The following ZNF280B variants were observed in gnomAD, a reference collection of about 807,000 sequenced individuals.
ZNF280B encodes suppressor of hairy wing homolog 2.
In ZNF280B, 16 loss-of-function variants were observed where a neutral mutation model predicts 38.0. That is an observed-to-expected ratio of 0.42 (90% CI 0.28 to 0.64). The LOEUF (loss-of-function observed/expected upper bound fraction) is 0.64. Ranked by LOEUF, ZNF280B falls within the 30% of genes least tolerant of loss-of-function variation. The probability of loss-of-function intolerance (pLI) is 0.21; values close to 1 mark genes in which losing one functional copy is unlikely to be tolerated. For missense variants in ZNF280B, 581 were observed against 639.6 expected, an observed-to-expected ratio of 0.91 and a Z score of 0.99; for synonymous variants, 253 against 230.6, an observed-to-expected ratio of 1.10 and a Z score of -0.88.
Position 22,488,280 on chromosome 22 carries a change from A to C in ZNF280B, c.1119T>G (p.Thr373=). 1 of 1,613,882 alleles carries C rather than the reference A, an allele frequency of 6.2e-7. No individual in the cohort carries two copies. Among genetic ancestry groups the C allele is most frequent in the South Asian group, 1.1e-5 (1 of 91,070 alleles). The part of the protein sequence containing the change: ...ENVHTAQEPS[T]VCKICELSFE... ...ATGACAATTCACAGATTTTACAGAC[A>C]GTAGAGGGCTCCTGGGCAGTGTGGA... Residue 373 remains threonine (T), a synonymous_variant, in exon 4 of 4, where the codon ACT becomes ACG. Transcript: ENST00000626650.
rs960955398 is a variant in ZNF280B, at chr22:22,497,386, C to T, written c.-186-3206G>A. Among the ~76,000 whole-genome samples the T allele has an allele frequency of 2.0e-5, 3 of 151,280 alleles. No individual in the cohort carries two copies. In the Admixed American group the frequency reaches 2.0e-4, roughly 10 times the overall value. On this transcript the variant is annotated intron_variant, in intron 2 of 3. Coordinates refer to ENST00000626650, the MANE Select transcript of ZNF280B (RefSeq NM_080764.4). ...TCTCTACTAAAAACACAAAAATTTG[C>T]CGGGAGTGGTGGTGGGCGCCTGTAA... is the stretch of plus-strand genomic sequence containing the variant.
intron 2 of ZNF280B, among the ~76,000 whole-genome samples, chr22:22,497,429 G>C (rs2061724101): frequency 6.6e-6 from 1 of 151,534 alleles, no homozygotes; most frequent in South Asian, 2.1e-4. Context: ...TACTTGGTAG[G>C]CTGAGGCAAG....
chr22:22,504,276 A>G (rs1000363589), intron 2 of ZNF280B, among the ~76,000 whole-genome samples: 1 of 151,936 alleles, frequency 6.6e-6, no homozygotes, highest in Non-Finnish European at 1.5e-5. Context: ...TACTAAAAAT[A>G]CAAAAACTTA....
At chr22:22,495,128 CCATA>C (rs1010930126) in intron 2 of ZNF280B, among the ~76,000 whole-genome samples, 3 of 151,910 alleles carry the variant, frequency 2.0e-5, no homozygotes, top group African/African-American at 4.8e-5. Flanking sequence ...TGAGATCTGG[CCATA>C]TATATTTTTC....
chr22:22,494,319 C>T (rs559617793), intron 2 of ZNF280B, 139 bp from the exon 3 acceptor site: 25 of 152,036 alleles, frequency 1.6e-4, no homozygotes, highest in African/African-American at 6.0e-4. Context: ...GTTGTCCATA[C>T]TGATTAACCC....
At chr22:22,489,559 C>T in intron 3 of ZNF280B, 93 bp from the exon 4 acceptor site, 3 of 617,506 alleles carry the variant, frequency 4.9e-6, no homozygotes, top group East Asian at 5.7e-5. Flanking sequence ...ACTATTTTAC[C>T]CACAAGGACA....
chr22:22,487,525 C>T lies in ZNF280B; in HGVS notation c.*242G>A. The T allele has an allele frequency of 2.8e-6, 1 of 355,616 alleles. No individual in the cohort carries two copies. The allele number at this position is 355,616 out of a possible 1,614,324, so 22.0% of individuals were successfully genotyped here. On this transcript the variant is annotated 3_prime_UTR_variant, in exon 4 of 4. Coordinates refer to ENST00000626650, the MANE Select transcript of ZNF280B (RefSeq NM_080764.4). ...TACCTTTTTCTCTCTCTCACACACA[C>T]ACACAAACACCTTTTATGTGTTAAG...
At chr22:22,503,677 G>A (rs969375701) in intron 2 of ZNF280B, among the ~76,000 whole-genome samples, 2 of 151,880 alleles carry the variant, frequency 1.3e-5, no homozygotes, top group African/African-American at 2.4e-5. Context: ...TAAATTATAC[G>A]TAGGATTACC....
intron 2 of ZNF280B, among the ~76,000 whole-genome samples, chr22:22,500,466 T>A (rs1016231636): frequency 2.6e-5 from 4 of 151,904 alleles, no homozygotes; most frequent in African/African-American, 9.7e-5. Flanking sequence ...GAGGATATTA[T>A]GCCAAATAAA....
chr22:22,499,158 A>T (rs2061764263), intron 2 of ZNF280B, among the ~76,000 whole-genome samples: 1 of 151,936 alleles, frequency 6.6e-6, no homozygotes, highest in Non-Finnish European at 1.5e-5. Flanking sequence ...ATCTAACAAC[A>T]TATATAACGA....
chr22:22,508,488 G>C (rs1481881390), intron 1 of ZNF280B, among the ~76,000 whole-genome samples, 171 bp downstream of exon 1: 1 of 151,782 alleles, frequency 6.6e-6, no homozygotes, highest in Non-Finnish European at 1.5e-5. Context: ...GGGGATCGTG[G>C]GACCTGCTTC....
rs1416108126 is a variant in ZNF280B at position 22,508,685 on chromosome 22, GCTGCCGGCCACGCA to G, written c.-288_-275del. 1 of 151,894 alleles carries G rather than the reference GCTGCCGGCCACGCA, an allele frequency of 6.6e-6. No individual in the cohort carries two copies. The allele number at this position is 151,894 out of a possible 1,614,324, so 9.4% of individuals were successfully genotyped here. ...AGTCCGGATCAGCTGCTGTTCGCGAGCTGCCGGCCACGCACCAGCCCCGGAGGCGCTCCCGGGGC... is the reference window on the plus strand; with the variant it reads ...AGTCCGGATCAGCTGCTGTTCGCGAGCCAGCCCCGGAGGCGCTCCCGGGGC... On this transcript the variant is annotated 5_prime_UTR_variant, in exon 1 of 4. Coordinates refer to ENST00000626650, the MANE Select transcript of ZNF280B (RefSeq NM_080764.4).
Position 22,497,208 on chromosome 22 carries a change from TAAAAAAAAAAAA to T in ZNF280B, c.-186-3040_-186-3029del, listed in dbSNP as rs71199486. Among the ~76,000 whole-genome samples the T allele has an allele frequency of 4.7e-3, 157 of 33,598 alleles. 1 individual carries two copies. Among genetic ancestry groups the T allele is most frequent in the African/African-American group, 6.1e-3 (64 of 10,518 alleles). The allele number at this position is 33,598 out of a possible 152,430, so 22.0% of individuals were successfully genotyped here. A position where few individuals can be genotyped will look rare whatever the true frequency, so the allele number is the denominator to read the frequency against. ...TGAGCAGAATCTTGGTCTCCATCTTTAAAAAAAAAAAAAAAAAAAAAAAAAAAAAAAAAAAAA... is the reference window on the plus strand; with the variant it reads ...TGAGCAGAATCTTGGTCTCCATCTTTAAAAAAAAAAAAAAAAAAAAAAAAA... On this transcript the variant is annotated intron_variant, in intron 2 of 3. Transcript: ENST00000626650.
chr22:22,502,201 G>T (rs2061840055), intron 2 of ZNF280B, among the ~76,000 whole-genome samples: 1 of 151,966 alleles, frequency 6.6e-6, no homozygotes, highest in Non-Finnish European at 1.5e-5. Flanking sequence ...AGCAGCACAT[G>T]AAATGCTGCT....
chr22:22,500,606 A>G (rs1415620853), intron 2 of ZNF280B, among the ~76,000 whole-genome samples: 2 of 151,964 alleles, frequency 1.3e-5, no homozygotes, highest in Non-Finnish European at 2.9e-5. Flanking sequence ...CTGTAATCCC[A>G]GGACTTTGGG....
chr22:22,498,356 C>A (rs78693833), intron 2 of ZNF280B, among the ~76,000 whole-genome samples: 4,643 of 151,944 alleles, frequency 0.031, 146 homozygotes, highest in African/African-American at 0.074. Context: ...TGTTATGTGA[C>A]TTTCACCTCA....
rs1418549655 is a variant in ZNF280B, at chr22:22,488,737, T to C, written c.662A>G (p.Asn221Ser). 3.1e-6 allele frequency: 5 copies of C among 1,613,816 alleles called. No homozygotes were observed. The highest frequency in any genetic ancestry group is 4.2e-6 in the Non-Finnish European group (5 of 1,179,958). ...MNTQQSTPSN[N>S]VHTSLSHVQN... ...AACATGGCTTAATGAGGTATGAACA[T>C]TATTTGAGGGTGTACTTTGCTGAGT... The change falls in exon 4 of 4, where the codon AAT becomes AGT. Residue 221 changes from asparagine (N) to serine (S), a missense_variant. By Grantham distance (46) the Asn-to-Ser change is conservative (BLOSUM62 1). Coordinates refer to ENST00000626650, the MANE Select transcript of ZNF280B (RefSeq NM_080764.4).
chr22:22,499,271 A>ATT (rs923550658), intron 2 of ZNF280B, among the ~76,000 whole-genome samples: 1 of 149,468 alleles, frequency 6.7e-6, no homozygotes, highest in African/African-American at 2.5e-5. Context: ...TTTAATTTTA[A>ATT]TTTTTTTTTT....
At chr22:22,490,430 C>T (rs544603342) in intron 3 of ZNF280B, among the ~76,000 whole-genome samples, 50 of 152,056 alleles carry the variant, frequency 3.3e-4, no homozygotes, top group Non-Finnish European at 6.5e-4. Flanking sequence ...CTCCACTATC[C>T]ACTTCACTGT....
Sources: gnomAD v4.1 joint callset for allele counts (sites outside exome capture counted in the v4.1 genomes callset) on GRCh38, gnomAD v4.1.1 for gene constraint, MANE v1.5 for transcripts, NCBI Gene and HGNC (gene_info 2026-07-23, HGNC 2026-07-21) for gene names.